Variants in SIPA1L1 observed in about 807,000 individuals in gnomAD.
SIPA1L1 encodes signal induced proliferation associated 1 like 1, also known as signal-induced proliferation-associated 1-like protein 1.
A neutral mutation model predicts 162.7 loss-of-function variants in SIPA1L1; 26 were observed. That is an observed-to-expected ratio of 0.16 (90% CI 0.12 to 0.22). SIPA1L1 has a LOEUF of 0.22. Among genes scored for constraint, SIPA1L1 ranks in the 10% least tolerant of loss-of-function variants. SIPA1L1 has a pLI of 1.00. For synonymous variants in SIPA1L1, 829 were observed against 837.4 expected (o/e 0.99, Z 0.17); for missense variants, 1,874 against 2,241.0 (o/e 0.84, Z 3.31).
intron 2 of SIPA1L1, among the ~76,000 whole-genome samples, chr14:71,500,695 G>C (rs2143529643): frequency 6.6e-6 from 1 of 152,262 alleles, no homozygotes; most frequent in East Asian, 1.9e-4. Context: ...AACTAGAATA[G>C]AACAAAATGT....
Position 71,685,650 on chromosome 14 carries a change from G to T in SIPA1L1, c.3374+19G>T, listed in dbSNP as rs372105875. On this transcript the variant is annotated intron_variant, in intron 13 of 23. Coordinates refer to ENST00000381232, the MANE Select transcript of SIPA1L1 (RefSeq NM_001386936.1). The stretch of plus-strand genomic sequence containing the variant: ...AGAGGCGGTAAGTGTGCCTTCAAAG[G>T]TTTGCTCTATCTCTCTCTGCCCCAA... The T allele has an allele frequency of 3.7e-6, 6 of 1,612,620 alleles. No individual in the cohort carries two copies. In the African/African-American group the frequency reaches 5.3e-5, roughly 14 times the overall value.
chr14:71,671,466 A>G lies in SIPA1L1; in HGVS notation c.2603A>G (p.Tyr868Cys), dbSNP rs143353394. 20 of 1,614,148 alleles carry G rather than the reference A, an allele frequency of 1.2e-5. No individual in the cohort carries two copies. The African/African-American group carries it at 1.6e-4, about 13-fold the overall frequency. ...AIVWAVRAED[Y>C]NKAMELDCLL... ...GTATGGGCAGTCCGGGCTGAAGACT[A>G]CAACAAGGCCATGGAACTAGACTGC... Residue 868 changes from tyrosine to cysteine, a missense_variant, in exon 11 of 24, where the codon TAC (tyrosine) becomes TGC (cysteine). Around this residue, in one of 5 missense-constraint regions of SIPA1L1, gnomAD observed 243 missense variants for 315.0 expected, o/e 0.77. Coordinates refer to ENST00000381232, the MANE Select transcript of SIPA1L1 (RefSeq NM_001386936.1).
chr14:71,737,179 T>C (rs1054876593), intron 22 of SIPA1L1, among the ~76,000 whole-genome samples: 6 of 152,150 alleles, frequency 3.9e-5, no homozygotes, highest in South Asian at 2.1e-4. Context: ...CCACGGTGGG[T>C]TTTGCCTCCT....
At chr14:71,352,147 A>G (rs1267721195) in intron 2 of SIPA1L1, among the ~76,000 whole-genome samples, 1 of 152,056 alleles carries the variant, frequency 6.6e-6, no homozygotes, top group African/African-American at 2.4e-5. Flanking sequence ...CAAATACAGA[A>G]AAGTGCAGAA....
At position 71,739,440 on chromosome 14, in the gene SIPA1L1, A is replaced by C. The variant is rs200239087; in HGVS notation, c.*279A>C. On this transcript the variant is annotated 3_prime_UTR_variant, in exon 24 of 24. Coordinates refer to ENST00000381232, the MANE Select transcript of SIPA1L1 (RefSeq NM_001386936.1). ...CTTTATTTTTTTGCACAATATCTTTATCTGTTATGTATTTAAGAAGAAACT... is the reference window on the plus strand; with the variant it reads ...CTTTATTTTTTTGCACAATATCTTTCTCTGTTATGTATTTAAGAAGAAACT... The C allele has an allele frequency of 5.1e-6, 1 of 196,180 alleles. No homozygotes were observed. Among genetic ancestry groups the C allele is most frequent in the Non-Finnish European group, 1.0e-5 (1 of 98,652 alleles). 12.2% of individuals were successfully genotyped at this position (196,180 alleles called of 1,614,324 possible).
chr14:71,485,758 T>G (rs2048704856), intron 2 of SIPA1L1, among the ~76,000 whole-genome samples: 1 of 152,194 alleles, frequency 6.6e-6, no homozygotes, highest in African/African-American at 2.4e-5. Flanking sequence ...AAAAATTGTC[T>G]TCCACAAAAC....
intron 5 of SIPA1L1, among the ~76,000 whole-genome samples, chr14:71,597,208 C>A (rs1293450582): frequency 6.6e-6 from 1 of 152,084 alleles, no homozygotes; most frequent in Non-Finnish European, 1.5e-5. Flanking sequence ...TCTCAAACTC[C>A]TGGGCTCAAG....
chr14:71,542,382 G>GCTT (rs1442510906), intron 4 of SIPA1L1, among the ~76,000 whole-genome samples: 2 of 136,838 alleles, frequency 1.5e-5, no homozygotes, highest in African/African-American at 2.8e-5. Flanking sequence ...TGCTGCTGCT[G>GCTT]CTGCTTCTTC....
chr14:71,651,185 G>A (rs1193243924), intron 8 of SIPA1L1, among the ~76,000 whole-genome samples: 1 of 152,150 alleles, frequency 6.6e-6, no homozygotes, highest in East Asian at 1.9e-4. Context: ...GGTTAGCTGG[G>A]ACTAATCAAA....
At chr14:71,481,064 T>C (rs182259964) in intron 2 of SIPA1L1, among the ~76,000 whole-genome samples, 8 of 152,370 alleles carry the variant, frequency 5.3e-5, no homozygotes, top group Admixed American at 1.3e-4. Flanking sequence ...TCATCTTTTG[T>C]TACTTTAAAA....
chr14:71,614,597 T>C (rs1353854946), intron 5 of SIPA1L1, among the ~76,000 whole-genome samples: 4 of 152,238 alleles, frequency 2.6e-5, no homozygotes, highest in African/African-American at 9.6e-5. Context: ...GAGCTCTTTT[T>C]TAATGAAAAA....
intron 5 of SIPA1L1, among the ~76,000 whole-genome samples, chr14:71,600,708 A>G (rs969283702): frequency 1.3e-4 from 20 of 152,198 alleles, no homozygotes; most frequent in African/African-American, 3.4e-4. Flanking sequence ...AATTCTTCCA[A>G]TCAATGGGCA....
At chr14:71,716,189 CGTACG>C (rs559314197) in intron 17 of SIPA1L1, among the ~76,000 whole-genome samples, 206 of 152,248 alleles carry the variant, frequency 1.4e-3, no homozygotes, top group Non-Finnish European at 2.4e-3. Context: ...AATTGTGTTC[CGTACG>C]GTACTCTATT....
At chr14:71,658,251 T>G (rs951665515) in intron 8 of SIPA1L1, 82 bp from the exon 9 acceptor site, 1 of 750,818 alleles carries the variant, frequency 1.3e-6, no homozygotes, top group Non-Finnish European at 2.3e-6. Context: ...TTTTCTTCTC[T>G]TTTCTTTTTT....
intron 2 of SIPA1L1, among the ~76,000 whole-genome samples, chr14:71,508,629 A>G (rs1218955791): frequency 6.6e-6 from 1 of 152,214 alleles, no homozygotes; most frequent in African/African-American, 2.4e-5. Flanking sequence ...CACCTTGCAT[A>G]CTTTTATTTC....
intron 2 of SIPA1L1, among the ~76,000 whole-genome samples, chr14:71,381,265 G>T (rs2039875533): frequency 6.6e-6 from 1 of 152,056 alleles, no homozygotes; most frequent in African/African-American, 2.4e-5. Context: ...TGTTAGCCAG[G>T]ATGGTCTCAA....
intron 20 of SIPA1L1, 89 bp from the exon 21 acceptor site, chr14:71,733,577 C>T (rs1443575363): frequency 3.0e-6 from 4 of 1,322,512 alleles, no homozygotes; most frequent in Non-Finnish European, 3.2e-6. Flanking sequence ...AAATGGCTTA[C>T]AATCTATTGT....
chr14:71,489,925 C>G (rs947774972), intron 2 of SIPA1L1, among the ~76,000 whole-genome samples: 5 of 152,092 alleles, frequency 3.3e-5, no homozygotes, highest in Non-Finnish European at 7.4e-5. Flanking sequence ...TATGTTGCAA[C>G]TTAACATTAT....
chr14:71,645,480 G>C (rs1183247510), intron 7 of SIPA1L1, among the ~76,000 whole-genome samples: 1 of 152,208 alleles, frequency 6.6e-6, no homozygotes, highest in African/African-American at 2.4e-5. Flanking sequence ...CCTTGAGAAA[G>C]CTATCATAAA....
Sources: allele counts gnomAD v4.1 joint callset (sites outside exome capture counted in the v4.1 genomes callset), GRCh38; gene constraint gnomAD v4.1.1; regional missense constraint gnomAD v4.1.1; transcripts MANE v1.5; gene names NCBI Gene and HGNC (gene_info 2026-07-23, HGNC 2026-07-21).